Variants in NRG3 observed in about 807,000 individuals in gnomAD.
The protein encoded by NRG3 is pro-neuregulin-3, membrane-bound isoform.
A neutral mutation model predicts 66.9 loss-of-function variants in NRG3; 31 were observed. That is an observed-to-expected ratio of 0.46 (90% confidence interval 0.35 to 0.63). The LOEUF is 0.63. NRG3 is among the 20% of genes least tolerant of loss of function. The probability of loss-of-function intolerance (pLI) is 0.00; values close to 1 mark genes in which losing one functional copy is unlikely to be tolerated. For synonymous variants in NRG3, 393 were observed against 359.4 expected (o/e 1.09, Z -1.06); for missense variants, 910 against 878.9 (o/e 1.04, Z -0.45).
intron 2 of NRG3, among the ~76,000 whole-genome samples, chr10:82,393,659 G>A (rs1044760264): frequency 4.6e-5 from 7 of 152,282 alleles, no homozygotes; most frequent in Non-Finnish European, 7.4e-5. Context: ...AAACATAAGT[G>A]AGTCAGCTGT....
chr10:82,345,412 C>G (rs1044749645), intron 1 of NRG3, among the ~76,000 whole-genome samples: 3 of 151,808 alleles, frequency 2.0e-5, no homozygotes, highest in South Asian at 2.1e-4. Context: ...TGTTCTGTTC[C>G]ATTGATCTAT....
chr10:82,869,180 TTG>T (rs145543060), intron 4 of NRG3, among the ~76,000 whole-genome samples: 9 of 152,118 alleles, frequency 5.9e-5, no homozygotes, highest in African/African-American at 1.7e-4. Context: ...CTAGTTCTAT[TTG>T]TGTGTGTGTG....
At chr10:82,552,620 T>C (rs1447343082) in intron 2 of NRG3, among the ~76,000 whole-genome samples, 1 of 152,154 alleles carries the variant, frequency 6.6e-6, no homozygotes, top group Admixed American at 6.6e-5. Flanking sequence ...CTTAGCTAGA[T>C]GAGATAAAAC....
At position 81,963,125 on chromosome 10, in the gene NRG3, C is replaced by CTTTTTTTTTTTTTTTTTTT. The variant is rs777026850; in HGVS notation, c.823+86970_823+86988dup. On this transcript the variant is annotated intron_variant, in intron 1 of 8. Coordinates refer to ENST00000372141, the MANE Select transcript of NRG3 (RefSeq NM_001010848.4). ...GAAAATATGATCTGCCACGAGGGCT[C>CTTTTTTTTTTTTTTTTTTT]TTTTTTTTTTTTTTTTTTTTTTTTT... is the stretch of plus-strand genomic sequence containing the variant. Among the ~76,000 whole-genome samples the CTTTTTTTTTTTTTTTTTTT allele has an allele frequency of 2.9e-5, 2 of 70,122 alleles. 1 individual carries two copies. Among genetic ancestry groups the CTTTTTTTTTTTTTTTTTTT allele is most frequent in the African/African-American group, 1.3e-4 (2 of 15,646 alleles). 46.0% of individuals were successfully genotyped at this position (70,122 alleles called of 152,430 possible). A position where few individuals can be genotyped will look rare whatever the true frequency, so the allele number is the denominator to read the frequency against.
chr10:82,930,933 G>A (rs999961418), intron 4 of NRG3, among the ~76,000 whole-genome samples: 3 of 152,162 alleles, frequency 2.0e-5, no homozygotes, highest in Non-Finnish European at 4.4e-5. Context: ...AGAGAAGCAG[G>A]GAGGCCTTTC....
chr10:82,092,395 C>G (rs116570404), intron 1 of NRG3, among the ~76,000 whole-genome samples: 2 of 151,988 alleles, frequency 1.3e-5, no homozygotes, highest in East Asian at 3.9e-4. Context: ...CACACACACA[C>G]GCACACACAC....
At chr10:82,625,423 G>A (rs1279677988) in intron 2 of NRG3, among the ~76,000 whole-genome samples, 4 of 152,138 alleles carry the variant, frequency 2.6e-5, no homozygotes, top group Non-Finnish European at 5.9e-5. Context: ...ATGTTAGAGT[G>A]TAACTAATAT....
intron 1 of NRG3, among the ~76,000 whole-genome samples, chr10:82,247,466 AT>A (rs146082789): frequency 0.014 from 2,089 of 152,106 alleles, 57 homozygotes; most frequent in African/African-American, 0.048. Flanking sequence ...ACTATTACTG[AT>A]GACGTAATTA....
At chr10:82,460,550 C>G (rs1402037073) in intron 2 of NRG3, among the ~76,000 whole-genome samples, 1 of 152,186 alleles carries the variant, frequency 6.6e-6, no homozygotes, top group African/African-American at 2.4e-5. Flanking sequence ...ATGCAACTCT[C>G]TATTCATTTC....
intron 3 of NRG3, among the ~76,000 whole-genome samples, chr10:82,811,547 G>GA (rs1417872969): frequency 6.6e-6 from 1 of 152,194 alleles, no homozygotes; most frequent in Non-Finnish European, 1.5e-5. Context: ...TGGAACAGGT[G>GA]AAAAGTAAAG....
At chr10:82,513,875 C>T (rs1845421833) in intron 2 of NRG3, among the ~76,000 whole-genome samples, 1 of 152,186 alleles carries the variant, frequency 6.6e-6, no homozygotes, top group African/African-American at 2.4e-5. Flanking sequence ...AATCATCATT[C>T]TGACTGGCAT....
At chr10:82,159,298 C>G (rs2132916977) in intron 1 of NRG3, among the ~76,000 whole-genome samples, 1 of 151,980 alleles carries the variant, frequency 6.6e-6, no homozygotes, top group Middle Eastern at 3.4e-3. Context: ...CATCCAACCT[C>G]CTGACCACTC....
rs147162646 is a variant in NRG3, at chr10:82,006,381, A to G, written c.823+130218A>G. On this transcript the variant is annotated intron_variant, in intron 1 of 8. Transcript: ENST00000372141. ...CTCCATTTTACCTGTGAGATTTGTA[A>G]CTATCTTCTTCCAACCTGTGGCTTT... Among the ~76,000 whole-genome samples, 277 of 152,092 alleles carry G rather than the reference A, an allele frequency of 1.8e-3. 2 individuals are homozygous for G. Among genetic ancestry groups the G allele is most frequent in the African/African-American group, 6.0e-3 (250 of 41,540 alleles).
intron 2 of NRG3, among the ~76,000 whole-genome samples, chr10:82,525,174 G>A (rs566304798): frequency 6.6e-6 from 1 of 151,684 alleles, no homozygotes; most frequent in South Asian, 2.1e-4. Flanking sequence ...AGTTTGTAAG[G>A]AATTATCATT....
chr10:82,533,249 CT>C (rs1264820627), intron 2 of NRG3, among the ~76,000 whole-genome samples: 3 of 151,998 alleles, frequency 2.0e-5, no homozygotes, highest in African/African-American at 7.2e-5. Context: ...TGTAGGTTGA[CT>C]TTTCATTGCT....
chr10:81,951,993 A>G (rs527872477), intron 1 of NRG3, among the ~76,000 whole-genome samples: 35 of 151,990 alleles, frequency 2.3e-4, no homozygotes, highest in South Asian at 1.2e-3. Flanking sequence ...GAAGCTGGAA[A>G]CCATCATTCT....
rs534067829 is a variant in NRG3 at position 82,858,942 on chromosome 10, C to CTTTTTT, written c.1028-6452_1028-6447dup. ...ATTTAACTTCAAGGCAGTAGTCTAA[C>CTTTTTT]TTTTTTTTTTTTTTTTTTTTTTGAG... is the stretch of plus-strand genomic sequence containing the variant. On this transcript the variant is annotated intron_variant, in intron 3 of 8. Transcript: ENST00000372141. Among the ~76,000 whole-genome samples the CTTTTTT allele has an allele frequency of 1.8e-3, 220 of 124,216 alleles. 1 individual carries two copies. The highest frequency in any genetic ancestry group is 2.8e-3 in the Non-Finnish European group (168 of 60,606). 81.5% of individuals were successfully genotyped at this position (124,216 alleles called of 152,430 possible).
At chr10:82,092,523 A>T (rs1239584937) in intron 1 of NRG3, among the ~76,000 whole-genome samples, 1 of 151,820 alleles carries the variant, frequency 6.6e-6, no homozygotes, top group South Asian at 2.1e-4. Context: ...AATTTCATTC[A>T]TGTGCCTTGG....
chr10:82,530,938 AT>A (rs1394422106), intron 2 of NRG3, among the ~76,000 whole-genome samples: 9 of 152,026 alleles, frequency 5.9e-5, no homozygotes, highest in African/African-American at 2.2e-4. Context: ...AAGGCAATTT[AT>A]TTGTTGAATT....
Sources: gnomAD v4.1 joint callset for allele counts (sites outside exome capture counted in the v4.1 genomes callset) on GRCh38, gnomAD v4.1.1 for gene constraint, MANE v1.5 for transcripts, NCBI Gene and HGNC (gene_info 2026-07-23, HGNC 2026-07-21) for gene names.